Variants in C6orf62 observed in about 807,000 individuals in gnomAD.
C6orf62 encodes the protein uncharacterized protein C6orf62.
A neutral mutation model predicts 26.8 loss-of-function variants in C6orf62; 16 were observed. The ratio of observed to expected loss-of-function variants is 0.60; its 90% CI spans 0.40 to 0.91. The LOEUF (loss-of-function observed/expected upper bound fraction) is 0.91. Ranked by LOEUF, C6orf62 falls within the 40% of genes least tolerant of loss-of-function variation. The probability of loss-of-function intolerance (pLI) is 0.00; values close to 1 mark genes in which losing one functional copy is unlikely to be tolerated. For synonymous variants in C6orf62, 112 were observed against 91.5 expected (o/e 1.22, Z -1.28); for missense variants, 192 against 271.4 (o/e 0.71, Z 2.06).
intron 3 of C6orf62, among the ~76,000 whole-genome samples, chr6:24,713,465 A>G (rs372679063): frequency 2.6e-5 from 4 of 151,178 alleles, no homozygotes; most frequent in African/African-American, 4.9e-5. Flanking sequence ...CTTCAGGGTA[A>G]TAAGTAGAAG....
chr6:24,711,351 G>C (rs1201603397), intron 3 of C6orf62, among the ~76,000 whole-genome samples: 1 of 152,102 alleles, frequency 6.6e-6, no homozygotes, highest in Non-Finnish European at 1.5e-5. Context: ...AGCTAACCTT[G>C]GCAGTAGCAT....
chr6:24,712,659 T>C, intron 3 of C6orf62, among the ~76,000 whole-genome samples: 1 of 125,954 alleles, frequency 7.9e-6, no homozygotes. Context: ...ACTACTGCAC[T>C]CCAATCTGGC....
Position 24,718,968 on chromosome 6 carries a change from G to C in C6orf62, c.-300C>G, listed in dbSNP as rs1417358310. On this transcript the variant is annotated 5_prime_UTR_variant, in exon 1 of 5. Transcript: ENST00000378119. ...AGAGGAGAAAATAACTAACTTTCTG[G>C]AAAACACATTTGGCTTAACTGCCAA... 8.5e-7 allele frequency: 1 copy of C among 1,170,800 alleles called. No individual in the cohort carries two copies. The highest frequency in any genetic ancestry group is 1.1e-6 in the Non-Finnish European group (1 of 944,466). The allele number at this position is 1,170,800 out of a possible 1,614,324, so 72.5% of individuals were successfully genotyped here.
At chr6:24,706,297 A>G in intron 4 of C6orf62, 35 bp from the exon 5 acceptor site, 5 of 1,611,014 alleles carry the variant, frequency 3.1e-6, no homozygotes, top group Non-Finnish European at 4.2e-6. Flanking sequence ...TTTTTTAAAA[A>G]TAAGACTTTA....
chr6:24,717,180 TCA>T (rs2127636292), intron 1 of C6orf62, among the ~76,000 whole-genome samples: 2 of 152,336 alleles, frequency 1.3e-5, no homozygotes, highest in South Asian at 2.1e-4. Flanking sequence ...CACTGTCCAT[TCA>T]CAGAATAAAA....
chr6:24,716,046 T>C (rs1337290917), intron 2 of C6orf62, 102 bp downstream of exon 2: 3 of 812,686 alleles, frequency 3.7e-6, no homozygotes, highest in Middle Eastern at 2.4e-4. Context: ...AAGAGACTGG[T>C]CACTATCATA....
chr6:24,709,908 G>T, intron 3 of C6orf62: 1 of 985,388 alleles, frequency 1.0e-6, no homozygotes, highest in Non-Finnish European at 1.2e-6. Flanking sequence ...AAATTTTATT[G>T]CCGTTACGTC....
chr6:24,707,846 C>CA (rs577537825), intron 4 of C6orf62, among the ~76,000 whole-genome samples: 498 of 124,636 alleles, frequency 4.0e-3, no homozygotes, highest in South Asian at 0.03. Context: ...TACTAAAATA[C>CA]AAAAAAAAAA....
chr6:24,718,126 G>A (rs1279064687), intron 1 of C6orf62, among the ~76,000 whole-genome samples: 1 of 152,172 alleles, frequency 6.6e-6, no homozygotes, highest in East Asian at 1.9e-4. Flanking sequence ...ACATTACGCA[G>A]TTTAAGAAAC....
chr6:24,719,523 C>G, upstream of C6orf62: 3 of 1,158,250 alleles, frequency 2.6e-6, no homozygotes, highest in Non-Finnish European at 3.2e-6. Context: ...CACCCTCAGG[C>G]GGCTGCTAAC....
At chr6:24,720,013 G>GGGGCCC, upstream of C6orf62, 6 of 1,479,314 alleles carry the variant, frequency 4.1e-6, no homozygotes, top group African/African-American at 1.5e-5. Flanking sequence ...TCTAAAGTAA[G>GGGGCCC]CCCACCCACC....
chr6:24,706,372 G>A, intron 4 of C6orf62, 110 bp from the exon 5 acceptor site: 2 of 1,458,444 alleles, frequency 1.4e-6, no homozygotes, highest in African/African-American at 1.4e-5. Flanking sequence ...CAGAGTAAGG[G>A]ACAAATTGTA....
chr6:24,711,616 G>A (rs1333983206), intron 3 of C6orf62, among the ~76,000 whole-genome samples: 1 of 151,880 alleles, frequency 6.6e-6, no homozygotes, highest in Non-Finnish European at 1.5e-5. Context: ...GCAACAAAGT[G>A]AGACCCCATC....
intron 4 of C6orf62, chr6:24,706,872 T>C (rs1375398750): frequency 6.6e-6 from 1 of 152,350 alleles, no homozygotes; most frequent in East Asian, 1.9e-4. Context: ...CATATGCCAG[T>C]GTACTCCAGC....
intron 1 of C6orf62, among the ~76,000 whole-genome samples, chr6:24,716,734 T>C (rs1779240779): frequency 1.3e-5 from 2 of 152,156 alleles, no homozygotes. Context: ...TTTTCTTTTT[T>C]TTTTTTGAGA....
intron 2 of C6orf62, among the ~76,000 whole-genome samples, chr6:24,715,901 A>G (rs1028557926): frequency 6.6e-6 from 1 of 151,658 alleles, no homozygotes; most frequent in Non-Finnish European, 1.5e-5. Flanking sequence ...AACACAGATT[A>G]AAGAAATCCC....
chr6:24,710,144 A>C (rs987051222), intron 3 of C6orf62: 89 of 985,150 alleles, frequency 9.0e-5, no homozygotes, highest in Non-Finnish European at 1.0e-4. Context: ...CAATAGGAAT[A>C]AGGTTACTTC....
At chr6:24,709,475 C>A (rs1271100876) in intron 3 of C6orf62, 7 of 967,884 alleles carry the variant, frequency 7.2e-6, no homozygotes, top group Non-Finnish European at 8.5e-6. Context: ...AGTTACGTGA[C>A]CGTATGCAAA....
intron 2 of C6orf62, 124 bp from the exon 3 acceptor site, chr6:24,714,564 T>C (rs1307134750): frequency 1.6e-6 from 1 of 607,960 alleles, no homozygotes; most frequent in Non-Finnish European, 2.8e-6. Context: ...CCATATATCA[T>C]TTTATATCTT....
Sources: allele counts gnomAD v4.1 joint callset (sites outside exome capture counted in the v4.1 genomes callset), GRCh38; gene constraint gnomAD v4.1.1; transcripts MANE v1.5; gene names NCBI Gene and HGNC (gene_info 2026-07-23, HGNC 2026-07-21).